CPM: variants seen among roughly 807,000 people sequenced by gnomAD.
CPM encodes carboxypeptidase M.
A neutral mutation model predicts 46.4 loss-of-function variants in CPM; 35 were observed. The observed-to-expected ratio is 0.75, with a 90% CI of 0.58 to 1.00. The LOEUF (loss-of-function observed/expected upper bound fraction) is 1.00, where lower values mean the gene tolerates loss of function less well. Ranked by LOEUF, CPM falls within the 50% of genes least tolerant of loss-of-function variation. The pLI is 0.00. For synonymous variants in CPM, 195 were observed against 195.3 expected (o/e 1.00, Z 0.01); for missense variants, 422 against 530.4 (o/e 0.80, Z 2.01).
chr12:68,883,077 T>C (rs1886266402), intron 3 of CPM, among the ~76,000 whole-genome samples: 1 of 152,164 alleles, frequency 6.6e-6, no homozygotes, highest in African/African-American at 2.4e-5. Context: ...GTGTGGCCAA[T>C]TCTGTCCACC....
At chr12:68,869,036 T>C (rs1225375019) in intron 6 of CPM, among the ~76,000 whole-genome samples, 2 of 152,172 alleles carry the variant, frequency 1.3e-5, no homozygotes, top group Non-Finnish European at 2.9e-5. Context: ...CCTATTCAAC[T>C]CCAGGGTGAG....
At chr12:68,892,795 G>A (rs1886709436) in intron 2 of CPM, among the ~76,000 whole-genome samples, 1 of 152,024 alleles carries the variant, frequency 6.6e-6, no homozygotes, top group South Asian at 2.1e-4. Flanking sequence ...GGAGGCGGAG[G>A]TTGCACCATT....
chr12:68,857,772 G>A lies in CPM; in HGVS notation c.1090-1093C>T, dbSNP rs547041451. 2.0e-5 allele frequency among the ~76,000 whole-genome samples: 3 copies of A among 152,148 alleles called. No homozygotes were observed. In the East Asian group the frequency reaches 5.8e-4, roughly 29 times the overall value. On this transcript the variant is annotated intron_variant, in intron 8 of 8. Coordinates refer to ENST00000551568, the MANE Select transcript of CPM (RefSeq NM_198320.5). ...TGTGTACTGTGTTAGTCTAACTAAT[G>A]GGAAATGAACAATTCATAACTTTAT...
chr12:68,882,918 A>G (rs374113277), intron 3 of CPM, among the ~76,000 whole-genome samples: 35 of 152,236 alleles, frequency 2.3e-4, no homozygotes, highest in African/African-American at 8.2e-4. Context: ...ATAAAAATAC[A>G]TGGGGGAAAA....
chr12:68,926,933 T>C (rs1437973407), intron 2 of CPM, among the ~76,000 whole-genome samples: 2 of 152,278 alleles, frequency 1.3e-5, no homozygotes, highest in Admixed American at 6.5e-5. Context: ...ATGGTGTATA[T>C]GTGCCACATT....
Position 68,858,977 on chromosome 12 carries a change from G to T in CPM, c.1035C>A (p.Thr345=), listed in dbSNP as rs1885095030. 1.9e-6 allele frequency: 3 copies of T among 1,560,874 alleles called. No individual in the cohort carries two copies. The highest frequency in any genetic ancestry group is 1.7e-6 in the Non-Finnish European group (2 of 1,152,710). The change falls in exon 8 of 9, where the codon ACC becomes ACA. Residue 345 remains threonine, a synonymous_variant. Transcript: ENST00000551568. ...GGAGATAATACTCTCCATATTTGTTGGTTCTATAGGGGCAGATATGTTTTC... is the reference window on the plus strand; with the variant it reads ...GGAGATAATACTCTCCATATTTGTTTGTTCTATAGGGGCAGATATGTTTTC... ...QDRKHICPYR[T]NKYGEYYLLL... is the part of the protein sequence containing the mutation.
chr12:68,882,852 G>C (rs778083589), intron 3 of CPM, among the ~76,000 whole-genome samples: 4 of 152,082 alleles, frequency 2.6e-5, no homozygotes, highest in African/African-American at 4.8e-5. Context: ...TTGGCCACCA[G>C]ACAATTTCTA....
upstream of CPM, among the ~76,000 whole-genome samples, chr12:68,936,269 G>T (rs1196196686): frequency 6.6e-6 from 1 of 151,952 alleles, no homozygotes; most frequent in Non-Finnish European, 1.5e-5. Flanking sequence ...AAGGTGCACT[G>T]GTCAAGAGAG....
intron 2 of CPM, among the ~76,000 whole-genome samples, chr12:68,890,045 TTAAA>T (rs1026442788): frequency 2.8e-4 from 43 of 152,290 alleles, no homozygotes; most frequent in African/African-American, 1.0e-3. Context: ...CAGGTGCTCA[TTAAA>T]ACAGCATGTT....
intron 1 of CPM, among the ~76,000 whole-genome samples, chr12:68,954,507 C>T (rs1191264696): frequency 6.6e-6 from 1 of 152,158 alleles, no homozygotes; most frequent in African/African-American, 2.4e-5. Context: ...GCTGACTTCT[C>T]TCCTTCCCCA....
Position 68,933,143 on chromosome 12 carries a change from A to C in CPM, c.-5T>G. 4.4e-6 allele frequency: 1 copy of C among 226,358 alleles called. No individual in the cohort carries two copies. 14.0% of individuals were successfully genotyped at this position (226,358 alleles called of 1,614,324 possible). ...GGCCCCGCGCACCCCCAGCCTCACC[A>C]GGTCCCAGGCGCGCACCTCTACCCA... On this transcript the variant is annotated splice_region_variant and 5_prime_UTR_variant, in exon 1 of 9. Transcript: ENST00000551568.
chr12:68,914,248 C>T (rs933636318), intron 2 of CPM, among the ~76,000 whole-genome samples: 2 of 151,860 alleles, frequency 1.3e-5, no homozygotes, highest in Non-Finnish European at 2.9e-5. Context: ...AAGACCTCTG[C>T]CCCGCCCCCA....
At chr12:68,952,028 ATGT>A (rs2136335715) in intron 1 of CPM, among the ~76,000 whole-genome samples, 1 of 152,226 alleles carries the variant, frequency 6.6e-6, no homozygotes, top group Non-Finnish European at 1.5e-5. Context: ...TCTCCGGGAC[ATGT>A]TGTGCTATGC....
At chr12:68,915,163 C>T (rs568522042) in intron 2 of CPM, among the ~76,000 whole-genome samples, 40 of 152,146 alleles carry the variant, frequency 2.6e-4, no homozygotes, top group South Asian at 8.3e-4. Flanking sequence ...TGAGAAATTA[C>T]GTTCCTGAGT....
At chr12:68,947,665 G>A (rs1209115590) in intron 1 of CPM, among the ~76,000 whole-genome samples, 1 of 151,270 alleles carries the variant, frequency 6.6e-6, no homozygotes, top group Non-Finnish European at 1.5e-5. Flanking sequence ...TTTTTTTTGA[G>A]ACAGGGTCTT....
intron 2 of CPM, 30 bp downstream of exon 2, chr12:68,932,648 T>C: frequency 4.3e-6 from 7 of 1,611,002 alleles, no homozygotes; most frequent in Non-Finnish European, 5.9e-6. Context: ...GACTGAGGGT[T>C]TGGCAAAGTG....
chr12:68,940,119 T>G (rs1336423042), intron 1 of CPM, among the ~76,000 whole-genome samples: 2 of 151,928 alleles, frequency 1.3e-5, no homozygotes, highest in African/African-American at 4.8e-5. Flanking sequence ...TTTTTCTTCT[T>G]TCATCTCATT....
At position 68,851,568 on chromosome 12, in the gene CPM, G is replaced by C. The variant is rs911438996; in HGVS notation, c.*4869C>G. 3.3e-5 allele frequency: 5 copies of C among 151,006 alleles called. No individual in the cohort carries two copies. The highest frequency in any genetic ancestry group is 1.2e-4 in the African/African-American group (5 of 40,814). The allele number at this position is 151,006 out of a possible 1,614,324, so 9.4% of individuals were successfully genotyped here. A position where few individuals can be genotyped will look rare whatever the true frequency, so the allele number is the denominator to read the frequency against. ...AGAGGTTGCAGTGAGCCGAGATCAC[G>C]GCACTGCACTCCAACCTGGGTGTTA... On this transcript the variant is annotated 3_prime_UTR_variant, in exon 9 of 9. Transcript: ENST00000551568.
rs1364968528 is a variant in CPM at position 68,941,203 on chromosome 12, G to GTGTA, written c.-3-8364_-3-8363insTACA. Among the ~76,000 whole-genome samples, 524 of 149,528 alleles carry GTGTA rather than the reference G, an allele frequency of 3.5e-3. 11 individuals are homozygous for GTGTA. The highest frequency in any genetic ancestry group is 0.024 in the Admixed American group (357 of 15,048). On this transcript the variant is annotated intron_variant, in intron 1 of 8. Coordinates refer to the CPM transcript ENST00000546373. ...TGTGTGTGTGTGTGTGTGTGTGTGT[G>GTGTA]TATATAAAGCTAACACATCAGCTGA... is the stretch of plus-strand genomic sequence containing the variant.
Sources: allele counts gnomAD v4.1 joint callset (sites outside exome capture counted in the v4.1 genomes callset), GRCh38; gene constraint gnomAD v4.1.1; transcripts MANE v1.5; gene names NCBI Gene and HGNC (gene_info 2026-07-23, HGNC 2026-07-21).